TAOK1: variants seen among roughly 807,000 people sequenced by gnomAD.
TAOK1 encodes the protein TAO kinase 1, also known as serine/threonine-protein kinase TAO1.
TAOK1 carries 21 observed loss-of-function variants against 138.3 expected under a neutral mutation model. The ratio of observed to expected loss-of-function variants is 0.15; its 90% confidence interval spans 0.11 to 0.22. The LOEUF (loss-of-function observed/expected upper bound fraction) is 0.22. TAOK1 is among the 10% of genes least tolerant of loss of function. TAOK1 has a pLI of 1.00. For missense variants in TAOK1, 651 were observed against 1,227.7 expected (o/e 0.53, Z 7.02); for synonymous variants, 361 against 398.4 (o/e 0.91, Z 1.12).
chr17:29,418,169 G>GT (rs1905314548), intron 1 of TAOK1, among the ~76,000 whole-genome samples: 1 of 152,084 alleles, frequency 6.6e-6, no homozygotes, highest in East Asian at 1.9e-4. Flanking sequence ...TTACAGGCAT[G>GT]AGCCACTGTG....
At chr17:29,446,906 TTTTTA>T (rs1414364921) in intron 1 of TAOK1, among the ~76,000 whole-genome samples, 1 of 151,572 alleles carries the variant, frequency 6.6e-6, no homozygotes, top group Admixed American at 6.6e-5. Flanking sequence ...GTCCATCTAA[TTTTTA>T]GTATTTTTAG....
At chr17:29,478,665 T>C (rs2030995068) in intron 6 of TAOK1, among the ~76,000 whole-genome samples, 1 of 152,208 alleles carries the variant, frequency 6.6e-6, no homozygotes, top group African/African-American at 2.4e-5. Context: ...CAGTTTTTCT[T>C]TCTCATTTTA....
chr17:29,465,777 T>G (rs74506629), intron 2 of TAOK1, among the ~76,000 whole-genome samples: 2,103 of 151,446 alleles, frequency 0.014, 49 homozygotes, highest in African/African-American at 0.048. Flanking sequence ...GTTATTTTTT[T>G]TGTGTGTATA....
intron 8 of TAOK1, among the ~76,000 whole-genome samples, chr17:29,485,514 C>A (rs1226873295): frequency 4.6e-5 from 7 of 152,168 alleles, no homozygotes; most frequent in Admixed American, 1.3e-4. Flanking sequence ...AACCCCACAC[C>A]TGTAGTCCCA....
intron 1 of TAOK1, among the ~76,000 whole-genome samples, chr17:29,409,331 ATATTTTT>A (rs1339371314): frequency 4.3e-4 from 26 of 60,294 alleles, no homozygotes; most frequent in African/African-American, 1.4e-3. Context: ...ATATATATAT[ATATTTTT>A]TTTTTTTTTT....
rs541761844 is a variant in TAOK1 at position 29,442,213 on chromosome 17, T to C, written c.-94-9242T>C. Among the ~76,000 whole-genome samples, 6 of 151,990 alleles carry C rather than the reference T, an allele frequency of 3.9e-5. No individual in the cohort carries two copies. The South Asian group carries it at 1.0e-3, about 26-fold the overall frequency. ...GGCATATGACACCACACGCAGCTAA[T>C]TTTCACATTTTTTGTAGAGATGGGG... is the stretch of plus-strand genomic sequence containing the variant. On this transcript the variant is annotated intron_variant, in intron 1 of 19. Transcript: ENST00000261716.
At chr17:29,391,105 A>C (rs1423052762) in intron 1 of TAOK1, 81 bp downstream of exon 1, 1 of 151,780 alleles carries the variant, frequency 6.6e-6, no homozygotes, top group African/African-American at 2.4e-5. Flanking sequence ...TGTGTGGAAG[A>C]AGGGATGTGG....
At position 29,548,489 on chromosome 17, in the gene TAOK1, T is replaced by G. The variant is rs2032439493; in HGVS notation, c.*5467T>G. 6.6e-6 allele frequency: 1 copy of G among 152,048 alleles called. No homozygotes were observed. The highest frequency in any genetic ancestry group is 2.4e-5 in the African/African-American group (1 of 41,410). 9.4% of individuals were successfully genotyped at this position (152,048 alleles called of 1,614,324 possible). A position where few individuals can be genotyped will look rare whatever the true frequency, so the allele number is the denominator to read the frequency against. ...GGAATTCTTTAAATAGAGAAAAAGG[T>G]TAATCCTCACTGAAACACCAGGATG... On this transcript the variant is annotated 3_prime_UTR_variant, in exon 20 of 20. Transcript: ENST00000261716.
At chr17:29,436,071 A>G (rs1300109288) in intron 1 of TAOK1, among the ~76,000 whole-genome samples, 2 of 152,252 alleles carry the variant, frequency 1.3e-5, no homozygotes, top group African/African-American at 2.4e-5. Context: ...CAGAGGTTGC[A>G]TTGAGTTCAG....
At chr17:29,424,517 A>G (rs901050125) in intron 1 of TAOK1, among the ~76,000 whole-genome samples, 3 of 152,046 alleles carry the variant, frequency 2.0e-5, no homozygotes, top group Non-Finnish European at 4.4e-5. Flanking sequence ...GGGCAGAGAA[A>G]TAGGAAGACT....
Position 29,477,689 on chromosome 17 carries a change from C to A in TAOK1, c.335C>A (p.Ala112Asp). 1 of 1,411,858 alleles carries A rather than the reference C, an allele frequency of 7.1e-7. No homozygotes were observed. Among genetic ancestry groups the A allele is most frequent in the South Asian group, 2.0e-5 (1 of 50,794 alleles). The allele number at this position is 1,411,858 out of a possible 1,614,324, so 87.5% of individuals were successfully genotyped here. A position where few individuals can be genotyped will look rare whatever the true frequency, so the allele number is the denominator to read the frequency against. ...GTAATGGAATATTGTTTAGGATCTGCTTCGGATTTACTAGAAGGTAAGTTC... is the reference window on the plus strand; with the variant it reads ...GTAATGGAATATTGTTTAGGATCTGATTCGGATTTACTAGAAGGTAAGTTC... ...WLVMEYCLGS[A>D]SDLLEVHKKP... Residue 112 changes from alanine to aspartate, a missense_variant, in exon 5 of 20, where the codon GCT (alanine) becomes GAT (aspartate). This residue lies in a region of TAOK1 where 116 missense variants were observed against 213.9 expected (regional missense o/e 0.54). Transcript: ENST00000261716.
intron 1 of TAOK1, among the ~76,000 whole-genome samples, chr17:29,419,034 G>A (rs1905346648): frequency 6.6e-6 from 1 of 151,328 alleles, no homozygotes; most frequent in African/African-American, 2.4e-5. Context: ...ATCATTAGTG[G>A]GACCATTGAT....
chr17:29,537,624 TG>T (rs2032245070), intron 19 of TAOK1, among the ~76,000 whole-genome samples: 1 of 151,580 alleles, frequency 6.6e-6, no homozygotes, highest in African/African-American at 2.4e-5. Flanking sequence ...CCCAAAGTGC[TG>T]AGATTACAGG....
chr17:29,541,491 C>A (rs1338321468), intron 19 of TAOK1, among the ~76,000 whole-genome samples: 1 of 151,750 alleles, frequency 6.6e-6, no homozygotes, highest in Non-Finnish European at 1.5e-5. Context: ...AAATGCATGT[C>A]TAAATTTCCC....
In TAOK1 at chr17:29,397,123, C is replaced by T. The variant is rs890833387; in HGVS notation, c.-95+6099C>T. On this transcript the variant is annotated intron_variant, in intron 1 of 19. Transcript: ENST00000261716. ...GAGCCTGGCCAACGTGGCGAAACCT[C>T]GTCTCTACTAAAAATACAAAAATTA... Among the ~76,000 whole-genome samples, 13 of 148,036 alleles carry T rather than the reference C, an allele frequency of 8.8e-5. No homozygotes were observed. In the East Asian group the frequency reaches 1.8e-3, roughly 21 times the overall value.
At chr17:29,524,467 T>C (rs938580799) in intron 17 of TAOK1, among the ~76,000 whole-genome samples, 6 of 152,202 alleles carry the variant, frequency 3.9e-5, no homozygotes, top group Non-Finnish European at 5.9e-5. Context: ...TTATAAACAG[T>C]AGTCCGATTC....
chr17:29,456,064 A>G (rs2030369278), intron 2 of TAOK1, among the ~76,000 whole-genome samples: 1 of 150,132 alleles, frequency 6.7e-6, no homozygotes, highest in African/African-American at 2.5e-5. Flanking sequence ...AATGTTTGGT[A>G]GGGCCGGGCG....
At chr17:29,470,008 A>G (rs1433518417) in intron 3 of TAOK1, among the ~76,000 whole-genome samples, 1 of 152,204 alleles carries the variant, frequency 6.6e-6, no homozygotes, top group African/African-American at 2.4e-5. Flanking sequence ...CTAGTATACA[A>G]CATTTCTTAT....
intron 2 of TAOK1, among the ~76,000 whole-genome samples, chr17:29,461,336 C>T (rs1248491543): frequency 1.3e-5 from 2 of 152,100 alleles, no homozygotes; most frequent in Admixed American, 1.3e-4. Context: ...TTAGGAGATA[C>T]ATGAAGAAGT....
Sources: gnomAD v4.1 joint callset for allele counts (sites outside exome capture counted in the v4.1 genomes callset) on GRCh38, gnomAD v4.1.1 for gene constraint, gnomAD v4.1.1 regional missense constraint, MANE v1.5 for transcripts, NCBI Gene and HGNC (gene_info 2026-07-23, HGNC 2026-07-21) for gene names.